CDK12: variants seen among roughly 807,000 people sequenced by gnomAD.
CDK12 encodes the protein cyclin-dependent kinase 12.
Under a neutral mutation model 133.8 loss-of-function variants are expected in CDK12, and 17 were observed. The ratio of observed to expected loss-of-function variants is 0.13; its 90% confidence interval spans 0.09 to 0.19. CDK12 has a LOEUF of 0.19. Ranked by LOEUF, CDK12 falls within the 10% of genes least tolerant of loss-of-function variation. CDK12 has a pLI of 1.00. For synonymous variants in CDK12, 694 were observed against 683.6 expected, an observed-to-expected ratio of 1.02 and a Z score of -0.24; for missense variants, 1,508 against 1,818.7, an observed-to-expected ratio of 0.83 and a Z score of 3.11.
intron 8 of CDK12, among the ~76,000 whole-genome samples, chr17:39,514,024 A>T (rs1452514306): frequency 6.6e-6 from 1 of 152,074 alleles, no homozygotes; most frequent in Non-Finnish European, 1.5e-5. Flanking sequence ...TTAGAACTTG[A>T]TGTGGCAGTT....
At chr17:39,472,367 C>G (rs1274936495) in intron 2 of CDK12, among the ~76,000 whole-genome samples, 19 of 151,440 alleles carry the variant, frequency 1.3e-4, no homozygotes, top group Admixed American at 1.3e-3. Flanking sequence ...ATATTAATAC[C>G]TATAGAAAAA....
intron 2 of CDK12, among the ~76,000 whole-genome samples, chr17:39,485,207 G>C (rs2051021981): frequency 6.6e-6 from 1 of 150,724 alleles, no homozygotes; most frequent in Non-Finnish European, 1.5e-5. Flanking sequence ...ACTCTGGTTT[G>C]AGGCATTGTG....
intron 3 of CDK12, among the ~76,000 whole-genome samples, chr17:39,490,981 TTA>T (rs2051547059): frequency 6.6e-6 from 1 of 152,132 alleles, no homozygotes; most frequent in South Asian, 2.1e-4. Flanking sequence ...CTATGAATGT[TTA>T]TCTCATTATG....
chr17:39,472,896 G>A (rs539393336), intron 2 of CDK12, among the ~76,000 whole-genome samples: 2 of 151,806 alleles, frequency 1.3e-5, no homozygotes, highest in Admixed American at 1.3e-4. Context: ...TAACAACGGT[G>A]AAACCCTGCC....
chr17:39,466,124 G>A (rs1398352639), intron 1 of CDK12, among the ~76,000 whole-genome samples: 1 of 150,190 alleles, frequency 6.7e-6, no homozygotes, highest in Non-Finnish European at 1.5e-5. Context: ...CCTGGCCAGC[G>A]TGGTGAAACC....
chr17:39,466,879 TAG>T lies in CDK12; in HGVS notation c.1046+3765_1046+3766del, dbSNP rs529269370. ...AATTCTAAACAGTACAAAAATTTTG[TAG>T]AGTCAGAGGAACATATAGATCCCTT... On this transcript the variant is annotated intron_variant, in intron 1 of 13. Coordinates refer to ENST00000447079, the MANE Select transcript of CDK12 (RefSeq NM_016507.4). Among the ~76,000 whole-genome samples, 17 of 152,026 alleles carry T rather than the reference TAG, an allele frequency of 1.1e-4. No homozygotes were observed. The South Asian group carries it at 3.3e-3, about 30-fold the overall frequency.
At chr17:39,514,593 G>C (rs2053682893) in intron 8 of CDK12, among the ~76,000 whole-genome samples, 1 of 152,008 alleles carries the variant, frequency 6.6e-6, no homozygotes, top group African/African-American at 2.4e-5. Context: ...CTCCTGCCTA[G>C]GCCTCCCAAA....
chr17:39,473,741 T>C (rs1372357243), intron 2 of CDK12, among the ~76,000 whole-genome samples: 1 of 151,976 alleles, frequency 6.6e-6, no homozygotes, highest in Non-Finnish European at 1.5e-5. Flanking sequence ...AAAAATTAGC[T>C]GGGCGTGGTG....
rs1598194410 is a variant in CDK12, at chr17:39,531,438, C to T, written c.*122C>T. On this transcript the variant is annotated 3_prime_UTR_variant, in exon 14 of 14. Transcript: ENST00000447079. ...TCATCTGCATTTGGCTACTGCAAAGCTGTCCGTTGTATTCCTTGCTCACTT... is the reference window on the plus strand; with the variant it reads ...TCATCTGCATTTGGCTACTGCAAAGTTGTCCGTTGTATTCCTTGCTCACTT... 8 of 984,594 alleles carry T rather than the reference C, an allele frequency of 8.1e-6. No homozygotes were observed. In the East Asian group the frequency reaches 2.4e-4, roughly 30 times the overall value. 61.0% of individuals were successfully genotyped at this position (984,594 alleles called of 1,614,324 possible). A position where few individuals can be genotyped will look rare whatever the true frequency, so the allele number is the denominator to read the frequency against.
intron 2 of CDK12, among the ~76,000 whole-genome samples, chr17:39,489,506 A>ATT (rs113848178): frequency 6.8e-5 from 9 of 133,020 alleles, no homozygotes; most frequent in Admixed American, 7.6e-5. Context: ...GCCTGTTCTA[A>ATT]TTTTTTTTTT....
intron 2 of CDK12, among the ~76,000 whole-genome samples, chr17:39,477,204 A>G (rs1360727647): frequency 7.0e-6 from 1 of 142,066 alleles, no homozygotes; most frequent in African/African-American, 2.6e-5. Context: ...TAGTGTTTTT[A>G]TTTTTGTTTT....
At position 39,553,221 on chromosome 17, in the gene CDK12, T is replaced by C. The variant is rs1442621291; in HGVS notation, n.356+2079T>C. Among the ~76,000 whole-genome samples, 6 of 152,174 alleles carry C rather than the reference T, an allele frequency of 3.9e-5. No homozygotes were observed. The East Asian group carries it at 1.2e-3, about 29-fold the overall frequency. ...CTTTCCTCCTTCTCCCCTAAATTTT[T>C]CCCACTGGTTGAAGAGAGATCTGGA... is the stretch of plus-strand genomic sequence containing the variant. On this transcript the variant is annotated intron_variant and non_coding_transcript_variant, in intron 2 of 3. Transcript: ENST00000558240.
chr17:39,462,048 C>T lies in CDK12; in HGVS notation c.-24C>T, dbSNP rs1175290566. 6.9e-6 allele frequency: 11 copies of T among 1,593,080 alleles called. No individual in the cohort carries two copies. Among genetic ancestry groups the T allele is most frequent in the African/African-American group, 1.4e-5 (1 of 74,056 alleles). On this transcript the variant is annotated 5_prime_UTR_variant, in exon 1 of 14. Coordinates refer to ENST00000447079, the MANE Select transcript of CDK12 (RefSeq NM_016507.4). ...TTGGAGTGCTGGGGAACTTTTTTCC[C>T]TTCTTCAGGTCAGGGGAAAGGGAAT...
chr17:39,483,074 G>A (rs4286140), intron 2 of CDK12, among the ~76,000 whole-genome samples: 96,121 of 151,696 alleles, frequency 0.63, 33,148 homozygotes, highest in South Asian at 0.89. Flanking sequence ...CACCACGCCT[G>A]GCTAATTTTT....
chr17:39,561,367 C>T (rs933957265), intron 3 of CDK12, among the ~76,000 whole-genome samples: 2 of 152,170 alleles, frequency 1.3e-5, no homozygotes, highest in African/African-American at 4.8e-5. Context: ...CATCCACATA[C>T]ACCCCTTGGG....
At chr17:39,538,706 G>A (rs1217300434), downstream of CDK12, among the ~76,000 whole-genome samples, 4 of 152,170 alleles carry the variant, frequency 2.6e-5, no homozygotes, top group African/African-American at 4.8e-5. Context: ...AGACCATTCT[G>A]GCTTACACGG....
chr17:39,501,339 A>G lies in CDK12; in HGVS notation c.2509A>G (p.Lys837Glu). 6.2e-7 allele frequency: 1 copy of G among 1,613,742 alleles called. No homozygotes were observed. Among genetic ancestry groups the G allele is most frequent in the Non-Finnish European group, 8.5e-7 (1 of 1,179,786 alleles). The change falls in exon 6 of 14, where the codon AAG becomes GAG. Residue 837 changes from lysine (K) to glutamate (E), a missense_variant. Coordinates refer to ENST00000447079, the MANE Select transcript of CDK12 (RefSeq NM_016507.4). ...GGTGCACTTTTCTGAGGACCATATC[A>G]AGTCGTTCATGAAACAGCTAATGGA... Reference protein sequence around the residue: ...GLVHFSEDHIKSFMKQLMEGL... With the variant: ...GLVHFSEDHIESFMKQLMEGL...
chr17:39,463,066 C>G lies in CDK12; in HGVS notation c.995C>G (p.Ser332Cys), dbSNP rs2144911522. ...CCCAGTCCCTATGGTCGAAGGCGGT[C>G]CAGCAGCCCTTTCCTGAGCAAGCGG... ...RSPSPYGRRR[S>C]SSPFLSKRSL... is the part of the protein sequence containing the mutation. Residue 332 changes from serine to cysteine, a missense_variant, in exon 1 of 14, where the codon TCC becomes TGC. By Grantham distance (112) the Ser-to-Cys change is moderately radical. Transcript: ENST00000447079. 1 of 1,614,194 alleles carries G rather than the reference C, an allele frequency of 6.2e-7. No homozygotes were observed. The highest frequency in any genetic ancestry group is 1.1e-5 in the South Asian group (1 of 91,088).
chr17:39,526,066 A>G lies in CDK12; in HGVS notation c.3510A>G (p.Ser1170=). 6.2e-7 allele frequency: 1 copy of G among 1,614,250 alleles called. No individual in the cohort carries two copies. Among genetic ancestry groups the G allele is most frequent in the African/African-American group, 1.3e-5 (1 of 75,068 alleles). ...AAGCTACTTCCCAGCAGCAGGACTCAGAGACCATGGCCCCAGAGGAGTCTT... is the reference window on the plus strand; with the variant it reads ...AAGCTACTTCCCAGCAGCAGGACTCGGAGACCATGGCCCCAGAGGAGTCTT... The part of the protein sequence containing the change: ...LTEATSQQQD[S]ETMAPEESLK... The change falls in exon 13 of 14, where the codon TCA becomes TCG. Residue 1170 remains serine (S), a synonymous_variant. Coordinates refer to ENST00000447079, the MANE Select transcript of CDK12 (RefSeq NM_016507.4).
Sources: allele counts gnomAD v4.1 joint callset (sites outside exome capture counted in the v4.1 genomes callset), GRCh38; gene constraint gnomAD v4.1.1; transcripts MANE v1.5; gene names NCBI Gene and HGNC (gene_info 2026-07-23, HGNC 2026-07-21).